Variants in LRRC9 observed in about 807,000 individuals in gnomAD.
LRRC9 encodes leucine-rich repeat-containing protein 9.
LRRC9 carries 122 observed loss-of-function variants against 63.2 expected under a neutral mutation model. The ratio of observed to expected loss-of-function variants is 1.93; its 90% CI spans 1.67 to 2.24. The LOEUF is 2.24. Ranked by LOEUF, LRRC9 falls within the 30% of genes most tolerant of loss-of-function variation. LRRC9 has a pLI of 0.00. For missense variants in LRRC9, 1,071 were observed against 627.7 expected (o/e 1.71, Z -7.55); for synonymous variants, 366 against 213.1 (o/e 1.72, Z -6.25).
rs770333044 is a variant in LRRC9 at position 59,934,594 on chromosome 14, C to G, written c.543+2555C>G. Reference sequence around the variant, plus strand: ...GAAGCCATGATAGAAATCAGAGACACTGAGAGGATGGTAACAGTTGTGACA... The same window carrying G: ...GAAGCCATGATAGAAATCAGAGACAGTGAGAGGATGGTAACAGTTGTGACA... On this transcript the variant is annotated intron_variant, in intron 6 of 31. Coordinates refer to ENST00000445360, the Ensembl canonical transcript of LRRC9. Among the ~76,000 whole-genome samples, 9 of 152,124 alleles carry G rather than the reference C, an allele frequency of 5.9e-5. No individual in the cohort carries two copies. In the South Asian group the frequency reaches 1.9e-3, roughly 31 times the overall value.
At chr14:60,052,150 A>T (rs1457279040) in intron 29 of LRRC9, among the ~76,000 whole-genome samples, 2 of 152,106 alleles carry the variant, frequency 1.3e-5, no homozygotes. Context: ...TCTTTTTTCT[A>T]TATCCTTTCC....
intron 28 of LRRC9, among the ~76,000 whole-genome samples, chr14:60,029,398 T>C (rs909935072): frequency 2.0e-5 from 3 of 152,082 alleles, no homozygotes; most frequent in Non-Finnish European, 2.9e-5. Context: ...AGGGGAGTGT[T>C]TCATTTATGA....
chr14:60,033,276 C>A (rs1566893724), intron 29 of LRRC9, among the ~76,000 whole-genome samples: 1 of 151,920 alleles, frequency 6.6e-6, no homozygotes, highest in East Asian at 1.9e-4. Context: ...ACTATCATTT[C>A]TTTCCAATTC....
intron 4 of LRRC9, 70 bp from the exon 5 acceptor site, chr14:59,931,549 T>A: frequency 1.5e-6 from 1 of 663,194 alleles, no homozygotes; most frequent in South Asian, 1.7e-5. Flanking sequence ...CTAACCAGAT[T>A]AATCAGAGAT....
chr14:59,941,008 A>G (rs929089469), intron 7 of LRRC9, among the ~76,000 whole-genome samples: 1 of 152,004 alleles, frequency 6.6e-6, no homozygotes, highest in African/African-American at 2.4e-5. Context: ...ATATAGTTAC[A>G]GTTTATAAAA....
chr14:59,947,153 T>C (rs1244706247), intron 8 of LRRC9, among the ~76,000 whole-genome samples: 1 of 151,382 alleles, frequency 6.6e-6, no homozygotes, highest in Admixed American at 6.6e-5. Context: ...TTTCTCCACA[T>C]CCTCTCCAGC....
chr14:59,939,090 T>C (rs1881463894), intron 7 of LRRC9, among the ~76,000 whole-genome samples: 1 of 146,890 alleles, frequency 6.8e-6, no homozygotes, highest in Non-Finnish European at 1.5e-5. Context: ...TACACATATA[T>C]ACATATATAT....
chr14:59,972,235 G>A (rs1485171880), intron 12 of LRRC9, among the ~76,000 whole-genome samples: 1 of 152,080 alleles, frequency 6.6e-6, no homozygotes, highest in Non-Finnish European at 1.5e-5. Context: ...CTTCTTTTGT[G>A]TGGCTTTTCC....
chr14:60,043,465 T>C (rs780882898), intron 29 of LRRC9, among the ~76,000 whole-genome samples: 26 of 152,208 alleles, frequency 1.7e-4, no homozygotes, highest in Non-Finnish European at 2.6e-4. Flanking sequence ...TTGAGGTATG[T>C]TCCTTCTATA....
exon 13 of LRRC9, chr14:59,974,625 G>C: frequency 1.4e-6 from 1 of 691,798 alleles, no homozygotes; most frequent in Non-Finnish European, 2.6e-6. Context: ...CTAAGTATAA[G>C]TGAGTGTCCC....
chr14:59,928,083 T>C, intron 2 of LRRC9, 92 bp downstream of exon 2: 1 of 614,302 alleles, frequency 1.6e-6, no homozygotes, highest in Non-Finnish European at 2.9e-6. Flanking sequence ...AAGGGTTACT[T>C]AGTCATTTCC....
intron 16 of LRRC9, among the ~76,000 whole-genome samples, chr14:59,983,900 T>G (rs1887193528): frequency 6.6e-6 from 1 of 152,186 alleles, no homozygotes; most frequent in African/African-American, 2.4e-5. Context: ...TAGAAAACTA[T>G]TGCACTATCC....
intron 31 of LRRC9, chr14:60,062,037 C>T (rs1432866858): frequency 2.5e-6 from 1 of 398,716 alleles, no homozygotes; most frequent in Non-Finnish European, 4.4e-6. Context: ...TGCTGGGATT[C>T]TGACAAATAA....
At chr14:60,006,439 A>G in exon 22 of LRRC9, 1 of 700,544 alleles carries the variant, frequency 1.4e-6, no homozygotes, top group Non-Finnish European at 2.6e-6. Context: ...AGCATAAATA[A>G]TAATCTTCTC....
intron 8 of LRRC9, among the ~76,000 whole-genome samples, chr14:59,954,444 T>C (rs1453404241): frequency 1.3e-5 from 2 of 152,212 alleles, no homozygotes; most frequent in Non-Finnish European, 2.9e-5. Flanking sequence ...AGTTCACTCA[T>C]GATTTGGCTC....
intron 17 of LRRC9, among the ~76,000 whole-genome samples, chr14:59,995,600 A>C (rs1008084144): frequency 3.9e-5 from 6 of 152,222 alleles, no homozygotes; most frequent in Non-Finnish European, 8.8e-5. Context: ...ATTAAAACAA[A>C]ATGCTATTGC....
At chr14:60,025,574 C>G (rs1258228342) in intron 27 of LRRC9, among the ~76,000 whole-genome samples, 5 of 151,610 alleles carry the variant, frequency 3.3e-5, no homozygotes, top group African/African-American at 9.7e-5. Context: ...CTGACAATAA[C>G]AGCTGCCATT....
At chr14:59,934,594 CTG>C (rs1889977878) in intron 6 of LRRC9, among the ~76,000 whole-genome samples, 1 of 152,124 alleles carries the variant, frequency 6.6e-6, no homozygotes, top group South Asian at 2.1e-4. Flanking sequence ...ATCAGAGACA[CTG>C]AGAGGATGGT....
intron 8 of LRRC9, 83 bp downstream of exon 8, chr14:59,944,827 A>G: frequency 7.2e-6 from 4 of 559,018 alleles, no homozygotes; most frequent in Non-Finnish European, 6.2e-6. Context: ...CTTTTAAATT[A>G]TGTATATACA....
Sources: allele counts gnomAD v4.1 joint callset (sites outside exome capture counted in the v4.1 genomes callset), GRCh38; gene constraint gnomAD v4.1.1; transcripts MANE v1.5; gene names NCBI Gene and HGNC (gene_info 2026-07-23, HGNC 2026-07-21).